The following FSTL4 variants were observed in gnomAD, a reference collection of about 807,000 sequenced individuals.
The protein encoded by FSTL4 is follistatin like 4, also known as follistatin-related protein 4.
A neutral mutation model predicts 78.2 loss-of-function variants in FSTL4; 28 were observed. The ratio of observed to expected loss-of-function variants is 0.36; its 90% CI spans 0.27 to 0.49. FSTL4 has a LOEUF of 0.49. Among genes scored for constraint, FSTL4 ranks in the 20% least tolerant of loss-of-function variants. The pLI is 0.98. For missense variants in FSTL4, 922 were observed against 1,084.9 expected (o/e 0.85, Z 2.11); for synonymous variants, 422 against 440.5 (o/e 0.96, Z 0.53).
At position 133,473,330 on chromosome 5, in the gene FSTL4, C is replaced by T. The variant is rs114416259; in HGVS notation, c.161-72344G>A. 7.6e-3 allele frequency among the ~76,000 whole-genome samples: 1,154 copies of T among 152,324 alleles called. 6 individuals are homozygous for T. Among genetic ancestry groups the T allele is most frequent in the Non-Finnish European group, 0.012 (801 of 68,022 alleles). On this transcript the variant is annotated intron_variant, in intron 3 of 15. Coordinates refer to ENST00000265342, the MANE Select transcript of FSTL4 (RefSeq NM_015082.2). ...CTAACCAGCTGGTCTGCAGTATCAG[C>T]GACAGGGTAGAATGCTTGGCCCTTT...
intron 4 of FSTL4, among the ~76,000 whole-genome samples, chr5:133,324,372 G>A (rs903529540): frequency 1.3e-5 from 2 of 152,250 alleles, no homozygotes; most frequent in African/African-American, 4.8e-5. Flanking sequence ...TGGATCCCAG[G>A]GGTGAGGCAC....
At chr5:133,800,933 G>A in the FSTL4 span, among the ~76,000 whole-genome samples, 1 of 151,814 alleles carries the variant, frequency 6.6e-6, no homozygotes, top group African/African-American at 2.4e-5. Context: ...AGGCACCGGT[G>A]GGAGGTGGGG....
intron 3 of FSTL4, among the ~76,000 whole-genome samples, chr5:133,495,638 T>C (rs902948667): frequency 1.3e-5 from 2 of 152,082 alleles, no homozygotes; most frequent in African/African-American, 4.8e-5. Context: ...TGAACAGCAA[T>C]GATGAGCCCA....
chr5:133,271,226 G>A (rs987470104), intron 6 of FSTL4, among the ~76,000 whole-genome samples: 1 of 152,248 alleles, frequency 6.6e-6, no homozygotes, highest in African/African-American at 2.4e-5. Flanking sequence ...AAGCCATTGA[G>A]ACAATTGTAG....
chr5:133,680,681 G>A, the FSTL4 span, among the ~76,000 whole-genome samples: 2 of 152,144 alleles, frequency 1.3e-5, no homozygotes, highest in Non-Finnish European at 2.9e-5. Context: ...ATGAGACAAG[G>A]CTCTTCCTTA....
chr5:133,550,693 G>T (rs529578501), intron 3 of FSTL4, among the ~76,000 whole-genome samples: 4 of 152,286 alleles, frequency 2.6e-5, no homozygotes, highest in Non-Finnish European at 5.9e-5. Flanking sequence ...AATATAACCA[G>T]TACATTGGAT....
intron 3 of FSTL4, among the ~76,000 whole-genome samples, chr5:133,470,679 A>C (rs1209587195): frequency 6.6e-6 from 1 of 151,988 alleles, no homozygotes; most frequent in Non-Finnish European, 1.5e-5. Flanking sequence ...CAGGAGGTGG[A>C]GGTTGCAGTG....
intron 3 of FSTL4, among the ~76,000 whole-genome samples, chr5:133,554,378 A>G (rs1759745855): frequency 6.6e-6 from 1 of 152,180 alleles, no homozygotes; most frequent in African/African-American, 2.4e-5. Flanking sequence ...AATGTCTCTG[A>G]TCCATGACAC....
chr5:133,473,828 G>A (rs1315288861), intron 3 of FSTL4, among the ~76,000 whole-genome samples: 1 of 152,152 alleles, frequency 6.6e-6, no homozygotes, highest in African/African-American at 2.4e-5. Flanking sequence ...GAGACAATGA[G>A]TGCAGAGTGA....
chr5:133,376,311 TG>T (rs1755434425), intron 4 of FSTL4, among the ~76,000 whole-genome samples: 2 of 150,816 alleles, frequency 1.3e-5, no homozygotes, highest in Non-Finnish European at 3.0e-5. Flanking sequence ...TGTAGATCTC[TG>T]GGGGAACAGA....
chr5:133,208,528 G>A (rs10038506), intron 14 of FSTL4, among the ~76,000 whole-genome samples: 41,188 of 152,070 alleles, frequency 0.27, 6,123 homozygotes, highest in East Asian at 0.42. Flanking sequence ...GTTTGACTCC[G>A]TTCTAATAGT....
chr5:133,663,708 C>T, the FSTL4 span, among the ~76,000 whole-genome samples: 3 of 152,210 alleles, frequency 2.0e-5, no homozygotes, highest in African/African-American at 7.2e-5. Flanking sequence ...GAAGTTTGAG[C>T]AAGGAGGCTT....
rs938985690 is a variant in FSTL4, at chr5:133,198,738, G to A, written c.*357C>T. 1 of 179,248 alleles carries A rather than the reference G, an allele frequency of 5.6e-6. No homozygotes were observed. The highest frequency in any genetic ancestry group is 5.9e-5 in the Admixed American group (1 of 16,906). The allele number at this position is 179,248 out of a possible 1,614,324, so 11.1% of individuals were successfully genotyped here. The stretch of plus-strand genomic sequence containing the variant: ...AAGTCTGGCTGGGTCTGGCAGTAAG[G>A]GACAATGACTATGTGAAGGCAACTG... On this transcript the variant is annotated 3_prime_UTR_variant, in exon 16 of 16. Transcript: ENST00000265342.
chr5:133,738,201 T>A, the FSTL4 span, among the ~76,000 whole-genome samples: 2 of 152,164 alleles, frequency 1.3e-5, no homozygotes, highest in Non-Finnish European at 2.9e-5. Flanking sequence ...CAATATGCAG[T>A]CCCAGAGCTC....
intron 6 of FSTL4, among the ~76,000 whole-genome samples, chr5:133,307,906 A>G (rs11740582): frequency 0.67 from 101,997 of 151,182 alleles, 34,489 homozygotes; most frequent in Middle Eastern, 0.77. Context: ...TCAGCCTCCC[A>G]AGTAGCTGAG....
At chr5:133,385,830 C>T (rs1206986385) in intron 4 of FSTL4, among the ~76,000 whole-genome samples, 1 of 152,154 alleles carries the variant, frequency 6.6e-6, no homozygotes, top group Non-Finnish European at 1.5e-5. Context: ...GCTAACAACA[C>T]GGGCACATGT....
At chr5:133,375,458 T>G (rs188823795) in intron 4 of FSTL4, among the ~76,000 whole-genome samples, 2 of 151,654 alleles carry the variant, frequency 1.3e-5, no homozygotes, top group East Asian at 3.9e-4. Context: ...AAAACAACAA[T>G]AAAAGGAAAG....
chr5:133,652,494 T>C, the FSTL4 span, among the ~76,000 whole-genome samples: 1 of 152,234 alleles, frequency 6.6e-6, no homozygotes, highest in Non-Finnish European at 1.5e-5. Flanking sequence ...TCTTTTGAGA[T>C]TTCTTCTTTG....
At chr5:133,590,893 CAG>C (rs767804660) in intron 2 of FSTL4, among the ~76,000 whole-genome samples, 3 of 152,190 alleles carry the variant, frequency 2.0e-5, no homozygotes, top group Non-Finnish European at 4.4e-5. Context: ...AGGTCAAAGA[CAG>C]AGAGCAAGAG....
Sources: allele counts gnomAD v4.1 joint callset (sites outside exome capture counted in the v4.1 genomes callset), GRCh38; gene constraint gnomAD v4.1.1; transcripts MANE v1.5; gene names NCBI Gene and HGNC (gene_info 2026-07-23, HGNC 2026-07-21).